NRG1: variants seen among roughly 807,000 people sequenced by gnomAD.
NRG1 encodes the protein neuregulin 1, also known as pro-neuregulin-1, membrane-bound isoform.
Under a neutral mutation model 63.8 loss-of-function variants are expected in NRG1, and 18 were observed. The observed-to-expected ratio is 0.28, with a 90% confidence interval of 0.19 to 0.42. NRG1 has a LOEUF of 0.42. Among genes scored for constraint, NRG1 ranks in the 10% least tolerant of loss-of-function variants. NRG1 has a pLI of 1.00. For missense variants in NRG1, 762 were observed against 814.7 expected (o/e 0.94, Z 0.79); for synonymous variants, 302 against 301.3 (o/e 1.00, Z -0.02).
intron 1 of NRG1, among the ~76,000 whole-genome samples, chr8:32,153,157 G>T (rs1585683860): frequency 6.6e-6 from 1 of 152,152 alleles, no homozygotes. Context: ...TCATCAAAGT[G>T]GGTCAGAGGT....
intron 1 of NRG1, chr8:32,287,428 C>G (rs1440734697): frequency 6.6e-6 from 1 of 152,170 alleles, no homozygotes; most frequent in Non-Finnish European, 1.5e-5. Flanking sequence ...CTTAAGGAGG[C>G]TTTTAGGATT....
At chr8:32,163,395 G>T (rs1316961695) in intron 1 of NRG1, among the ~76,000 whole-genome samples, 1 of 152,180 alleles carries the variant, frequency 6.6e-6, no homozygotes, top group African/African-American at 2.4e-5. Flanking sequence ...CTCCAAGTGT[G>T]GGCAGACTTT....
rs545065066 is a variant in NRG1 at position 31,720,065 on chromosome 8, T to C, written c.37+80634T>C. ...AAAAAATAACTTTTAAAAAAATACA[T>C]GTTTAATGAAAGATATTTCCAGGTT... On this transcript the variant is annotated intron_variant, in intron 1 of 10. Transcript: ENST00000519301. Among the ~76,000 whole-genome samples, 189 of 152,306 alleles carry C rather than the reference T, an allele frequency of 1.2e-3. No homozygotes were observed. In the Middle Eastern group the frequency reaches 0.014, roughly 11 times the overall value.
At chr8:32,500,240 T>C (rs1213200844) in intron 1 of NRG1, among the ~76,000 whole-genome samples, 1 of 152,224 alleles carries the variant, frequency 6.6e-6, no homozygotes, top group Non-Finnish European at 1.5e-5. Context: ...AATAGACTTT[T>C]AAAAGCTCTT....
chr8:32,509,980 G>T (rs1828967780), intron 1 of NRG1, among the ~76,000 whole-genome samples: 1 of 151,832 alleles, frequency 6.6e-6, no homozygotes, highest in South Asian at 2.1e-4. Context: ...CTAGTTTTTG[G>T]AATTTTTTTT....
At chr8:32,401,373 C>G (rs1010132523) in intron 1 of NRG1, among the ~76,000 whole-genome samples, 4 of 151,944 alleles carry the variant, frequency 2.6e-5, no homozygotes, top group African/African-American at 9.7e-5. Flanking sequence ...CTGGCAGTAC[C>G]CCATTCCCTG....
intron 6 of NRG1, among the ~76,000 whole-genome samples, chr8:32,737,476 GGGAGGTAGA>G (rs1164265452): frequency 6.6e-6 from 1 of 151,978 alleles, no homozygotes; most frequent in African/African-American, 2.4e-5. Flanking sequence ...GCTTGAATCT[GGGAGGTAGA>G]GATTGCAATG....
intron 1 of NRG1, among the ~76,000 whole-genome samples, chr8:31,817,068 C>CAT (rs1823524148): frequency 6.6e-6 from 1 of 152,132 alleles, no homozygotes; most frequent in African/African-American, 2.4e-5. Flanking sequence ...TATCTTTTGG[C>CAT]ATGATGCACC....
intron 5 of NRG1, among the ~76,000 whole-genome samples, chr8:32,634,012 C>T (rs1271628022): frequency 6.7e-6 from 1 of 148,390 alleles, no homozygotes; most frequent in Non-Finnish European, 1.5e-5. Context: ...GGTGTTGTGA[C>T]ATGTACCTGT....
At chr8:31,970,915 G>A (rs1807167380) in intron 1 of NRG1, among the ~76,000 whole-genome samples, 2 of 152,008 alleles carry the variant, frequency 1.3e-5, no homozygotes, top group African/African-American at 4.8e-5. Flanking sequence ...GCGGTGGCGG[G>A]CGCCTGTAGT....
intron 1 of NRG1, among the ~76,000 whole-genome samples, chr8:32,248,876 A>G (rs992592791): frequency 2.0e-5 from 3 of 152,124 alleles, no homozygotes; most frequent in African/African-American, 7.2e-5. Flanking sequence ...TTAATTGATT[A>G]TCAAAATAAT....
At chr8:32,345,768 G>A (rs1048640254) in intron 1 of NRG1, among the ~76,000 whole-genome samples, 5 of 152,000 alleles carry the variant, frequency 3.3e-5, no homozygotes, top group African/African-American at 4.8e-5. Flanking sequence ...TCAGGAGTTC[G>A]AGACCAGCCT....
At chr8:32,290,429 C>A (rs976989716) in intron 1 of NRG1, among the ~76,000 whole-genome samples, 7 of 151,840 alleles carry the variant, frequency 4.6e-5, no homozygotes, top group Admixed American at 2.6e-4. Flanking sequence ...AAGATGGTTA[C>A]CCATGAAGGA....
At chr8:32,772,883 C>T (rs1342667954), downstream of NRG1, among the ~76,000 whole-genome samples, 2 of 152,132 alleles carry the variant, frequency 1.3e-5, no homozygotes, top group South Asian at 2.1e-4. Context: ...AACCAGGTAC[C>T]TTCCAACAAC....
At chr8:31,763,961 G>A (rs188895087) in intron 1 of NRG1, among the ~76,000 whole-genome samples, 8 of 143,826 alleles carry the variant, frequency 5.6e-5, no homozygotes, top group African/African-American at 1.3e-4. Flanking sequence ...AGCCAAGATC[G>A]CGCCACCACA....
intron 1 of NRG1, among the ~76,000 whole-genome samples, chr8:32,120,286 A>G (rs1434050699): frequency 6.6e-6 from 1 of 152,112 alleles, no homozygotes; most frequent in African/African-American, 2.4e-5. Flanking sequence ...AAAAAATAAT[A>G]CTAGTAAAAT....
At chr8:32,214,794 A>G (rs1845047961) in intron 1 of NRG1, among the ~76,000 whole-genome samples, 1 of 152,232 alleles carries the variant, frequency 6.6e-6, no homozygotes, top group Non-Finnish European at 1.5e-5. Flanking sequence ...AATACTAAGC[A>G]AGAAATAAAG....
intron 1 of NRG1, among the ~76,000 whole-genome samples, chr8:31,677,780 A>G (rs1039855569): frequency 1.3e-5 from 2 of 152,336 alleles, no homozygotes; most frequent in East Asian, 3.8e-4. Flanking sequence ...GTTGGATACC[A>G]TTCAATCCTG....
At chr8:32,466,631 C>T (rs1339248929) in intron 1 of NRG1, among the ~76,000 whole-genome samples, 1 of 152,110 alleles carries the variant, frequency 6.6e-6, no homozygotes, top group Non-Finnish European at 1.5e-5. Context: ...TAAAAGCCTG[C>T]AGTTATTAGT....
Sources: gnomAD v4.1 joint callset for allele counts (sites outside exome capture counted in the v4.1 genomes callset) on GRCh38, gnomAD v4.1.1 for gene constraint, MANE v1.5 for transcripts, NCBI Gene and HGNC (gene_info 2026-07-23, HGNC 2026-07-21) for gene names.